NKAIN3: variants seen among roughly 807,000 people sequenced by gnomAD.
NKAIN3 encodes the protein sodium/potassium transporting ATPase interacting 3.
NKAIN3 carries 25 observed loss-of-function variants against 30.2 expected under a neutral mutation model. The observed-to-expected ratio is 0.83, with a 90% CI of 0.60 to 1.16. The LOEUF (loss-of-function observed/expected upper bound fraction) is 1.16. NKAIN3 is among the 50% of genes most tolerant of loss of function. The pLI, the probability that NKAIN3 is intolerant of heterozygous loss-of-function variation, is 0.00. For missense variants in NKAIN3, 225 were observed against 254.1 expected (o/e 0.89, Z 0.78); for synonymous variants, 91 against 89.6 (o/e 1.02, Z -0.09).
intron 1 of NKAIN3, among the ~76,000 whole-genome samples, chr8:62,406,789 G>A (rs921327498): frequency 2.6e-5 from 4 of 152,092 alleles, no homozygotes; most frequent in African/African-American, 9.7e-5. Context: ...CTGAAAAGGG[G>A]ACTTGAATTT....
At chr8:62,850,331 G>T (rs1325212548) in intron 4 of NKAIN3, among the ~76,000 whole-genome samples, 2 of 152,140 alleles carry the variant, frequency 1.3e-5, no homozygotes, top group Middle Eastern at 3.4e-3. Context: ...ATTTGTTGGA[G>T]TTCATTGTAG....
At chr8:62,841,261 G>C (rs1431142397) in intron 4 of NKAIN3, among the ~76,000 whole-genome samples, 1 of 151,776 alleles carries the variant, frequency 6.6e-6, no homozygotes, top group Non-Finnish European at 1.5e-5. Context: ...ATATAATACG[G>C]AGTTATTAAA....
chr8:62,334,279 T>A (rs138628510), intron 1 of NKAIN3, among the ~76,000 whole-genome samples: 2 of 152,116 alleles, frequency 1.3e-5, no homozygotes, highest in African/African-American at 4.8e-5. Context: ...AGAATCAAGA[T>A]GTCGGCAGAG....
intron 4 of NKAIN3, among the ~76,000 whole-genome samples, chr8:62,868,163 A>G (rs1403642913): frequency 2.6e-5 from 4 of 152,192 alleles, no homozygotes; most frequent in African/African-American, 9.7e-5. Context: ...AAGGAAGCAG[A>G]TATTCTCACC....
rs12056838 is a variant in NKAIN3 at position 62,968,260 on chromosome 8, C to T, written c.*2853C>T. 0.12 allele frequency among the ~76,000 whole-genome samples: 17,724 copies of T among 152,114 alleles called. 1,178 individuals carry two copies. The highest frequency in any genetic ancestry group is 0.22 in the East Asian group (1,120 of 5,138). On this transcript the variant is annotated 3_prime_UTR_variant, in exon 7 of 7. Transcript: ENST00000623646. ...AGAAGTGCAGAGTTGTACAGTAATA[C>T]TTGGCAATTACCCGTTAATCTGGGT...
chr8:62,480,873 T>C lies in NKAIN3; in HGVS notation c.55-98666T>C, dbSNP rs549656746. Among the ~76,000 whole-genome samples the C allele has an allele frequency of 5.3e-5, 8 of 152,006 alleles. No individual in the cohort carries two copies. In the South Asian group the frequency reaches 1.2e-3, roughly 24 times the overall value. On this transcript the variant is annotated intron_variant, in intron 1 of 6. Coordinates refer to ENST00000623646, the MANE Select transcript of NKAIN3 (RefSeq NM_001304533.3). ...GGGAACAGAAAGTGGAGAGACAAAA[T>C]TGAGAAGTGATCAGAATGGAGTCAT...
At chr8:62,571,556 A>G (rs954645684) in intron 1 of NKAIN3, among the ~76,000 whole-genome samples, 2 of 151,774 alleles carry the variant, frequency 1.3e-5, no homozygotes, top group African/African-American at 2.4e-5. Context: ...CCCAGTGCAG[A>G]CTCTGCATGG....
chr8:62,571,973 T>A (rs983292606), intron 1 of NKAIN3, among the ~76,000 whole-genome samples: 1 of 152,168 alleles, frequency 6.6e-6, no homozygotes, highest in Admixed American at 6.5e-5. Context: ...TGGAGACATT[T>A]TCCCCATTGT....
chr8:62,622,632 A>G (rs1055094236), intron 3 of NKAIN3, among the ~76,000 whole-genome samples: 3 of 151,742 alleles, frequency 2.0e-5, no homozygotes, highest in Non-Finnish European at 4.4e-5. Context: ...TGGTTCTTTT[A>G]CTGTGAAATT....
At chr8:62,412,066 A>G (rs545185106) in intron 1 of NKAIN3, among the ~76,000 whole-genome samples, 1 of 152,166 alleles carries the variant, frequency 6.6e-6, no homozygotes, top group Non-Finnish European at 1.5e-5. Context: ...AATAAAAGCT[A>G]TTCTAGAATT....
chr8:62,953,894 A>C lies in NKAIN3; in HGVS notation c.533-8A>C, dbSNP rs1823350260. On this transcript the variant is annotated splice_region_variant and splice_polypyrimidine_tract_variant and intron_variant, in intron 5 of 6. Transcript: ENST00000623646. ...CACTTATTCATATGGCCTATGTTAT[A>C]TTTTCAGTTGATTTCATAGGTGGAC... 1.1e-6 allele frequency: 1 copy of C among 937,274 alleles called. No individual in the cohort carries two copies. Among genetic ancestry groups the C allele is most frequent in the Non-Finnish European group, 1.3e-6 (1 of 785,846 alleles). The allele number at this position is 937,274 out of a possible 1,614,324, so 58.1% of individuals were successfully genotyped here.
At chr8:62,751,175 T>C (rs1364071266) in intron 4 of NKAIN3, among the ~76,000 whole-genome samples, 2 of 152,264 alleles carry the variant, frequency 1.3e-5, no homozygotes, top group East Asian at 3.9e-4. Context: ...TGTGCCATCC[T>C]CAGGCAGCGG....
At chr8:62,773,246 T>C (rs930311170) in intron 4 of NKAIN3, among the ~76,000 whole-genome samples, 2 of 152,132 alleles carry the variant, frequency 1.3e-5, no homozygotes, top group Admixed American at 6.6e-5. Flanking sequence ...TGGAGAGAGA[T>C]TGGAGTATGG....
At chr8:62,396,335 G>A (rs944272024) in intron 1 of NKAIN3, among the ~76,000 whole-genome samples, 1 of 152,120 alleles carries the variant, frequency 6.6e-6, no homozygotes, top group African/African-American at 2.4e-5. Flanking sequence ...TTCTTATTTG[G>A]CTAGGCCGCA....
rs556712503 is a variant in NKAIN3 at position 62,797,802 on chromosome 8, C to T, written c.471+50673C>T. ...CTGAAGACAATAATTAGTTAAGATA[C>T]GGTCACAGTGGAGTAGAGTGAGCCC... On this transcript the variant is annotated intron_variant, in intron 4 of 6. Transcript: ENST00000623646. Among the ~76,000 whole-genome samples, 32 of 152,168 alleles carry T rather than the reference C, an allele frequency of 2.1e-4. No homozygotes were observed. In the South Asian group the frequency reaches 6.2e-3, roughly 30 times the overall value.
At chr8:62,463,771 G>C (rs1402555353) in intron 1 of NKAIN3, among the ~76,000 whole-genome samples, 1 of 152,066 alleles carries the variant, frequency 6.6e-6, no homozygotes, top group Non-Finnish European at 1.5e-5. Context: ...TAGTATATCT[G>C]TGATAAAGTT....
At chr8:62,875,073 G>A (rs765151384) in intron 4 of NKAIN3, among the ~76,000 whole-genome samples, 10 of 152,164 alleles carry the variant, frequency 6.6e-5, no homozygotes, top group East Asian at 1.9e-4. Flanking sequence ...AAACCCCATC[G>A]TCGCAGCCCA....
intron 5 of NKAIN3, among the ~76,000 whole-genome samples, chr8:62,930,480 C>G (rs188877666): frequency 2.0e-5 from 3 of 151,994 alleles, no homozygotes; most frequent in African/African-American, 7.3e-5. Flanking sequence ...TCTCGAACTC[C>G]TGACCACAGG....
intron 3 of NKAIN3, among the ~76,000 whole-genome samples, chr8:62,656,612 T>C (rs2130347578): frequency 6.6e-6 from 1 of 152,290 alleles, no homozygotes; most frequent in Non-Finnish European, 1.5e-5. Context: ...TATTTAAAAA[T>C]CACATTTTCC....
Sources: allele counts gnomAD v4.1 joint callset (sites outside exome capture counted in the v4.1 genomes callset), GRCh38; gene constraint gnomAD v4.1.1; transcripts MANE v1.5; gene names NCBI Gene and HGNC (gene_info 2026-07-23, HGNC 2026-07-21).